PPARGC1B: variants seen among roughly 807,000 people sequenced by gnomAD.
PPARGC1B encodes peroxisome proliferator-activated receptor gamma coactivator 1-beta.
PPARGC1B carries 34 observed loss-of-function variants against 101.6 expected under a neutral mutation model. The ratio of observed to expected loss-of-function variants is 0.33; its 90% CI spans 0.25 to 0.45. The LOEUF is 0.45. PPARGC1B is among the 20% of genes least tolerant of loss of function. PPARGC1B has a pLI of 1.00. For synonymous variants in PPARGC1B, 548 were observed against 539.3 expected (o/e 1.02, Z -0.22); for missense variants, 1,234 against 1,317.6 (o/e 0.94, Z 0.98).
At position 149,853,476 on chromosome 5, in the gene PPARGC1B, T is replaced by C. The variant is rs1483888861; in HGVS notation, c.*5918T>C. 5.3e-5 allele frequency: 8 copies of C among 152,224 alleles called. No individual in the cohort carries two copies. The highest frequency in any genetic ancestry group is 2.1e-4 in the South Asian group (1 of 4,828). The allele number at this position is 152,224 out of a possible 1,614,324, so 9.4% of individuals were successfully genotyped here. The stretch of plus-strand genomic sequence containing the variant: ...GAGGTCCAGGTGCCCGGGAAGGGTT[T>C]ACTGTAACTGCAATACTGGCAGCCC... On this transcript the variant is annotated 3_prime_UTR_variant, in exon 12 of 12. Coordinates refer to ENST00000309241, the MANE Select transcript of PPARGC1B (RefSeq NM_133263.4). The surrounding 1 kb of genome is among the most constrained non-coding windows in gnomAD (Gnocchi z 4.2).
intron 1 of PPARGC1B, among the ~76,000 whole-genome samples, chr5:149,745,930 A>G (rs190458289): frequency 6.6e-6 from 1 of 152,282 alleles, no homozygotes; most frequent in East Asian, 1.9e-4. Context: ...AGGCAGCCTG[A>G]GAGAACACAA....
At chr5:149,807,526 G>T (rs1757645981) in intron 1 of PPARGC1B, among the ~76,000 whole-genome samples, 1 of 152,154 alleles carries the variant, frequency 6.6e-6, no homozygotes, top group African/African-American at 2.4e-5. Flanking sequence ...ATTGCAGGAA[G>T]AACCAGGAAT....
intron 8 of PPARGC1B, among the ~76,000 whole-genome samples, 158 bp from the exon 9 acceptor site, chr5:149,839,883 C>A (rs532211184): frequency 2.2e-4 from 34 of 152,154 alleles, no homozygotes; most frequent in Non-Finnish European, 4.4e-4. Flanking sequence ...GCCGTCGTTG[C>A]AGAAGGGGAA....
In PPARGC1B at chr5:149,837,937, A is replaced by C. The variant is rs554123862; in HGVS notation, c.2618+864A>C. On this transcript the variant is annotated intron_variant, in intron 8 of 11. Coordinates refer to ENST00000309241, the MANE Select transcript of PPARGC1B (RefSeq NM_133263.4). This position sits in a 1 kb window ranked among gnomAD's most constrained non-coding sequence, Gnocchi z 4.2. The stretch of plus-strand genomic sequence containing the variant: ...TTGTTGCGCCTCCACTGGCCGGCCC[A>C]CACCCGGGTGTCTGATCTGTAGGTC... 6.6e-6 allele frequency among the ~76,000 whole-genome samples: 1 copy of C among 151,856 alleles called. No individual in the cohort carries two copies. The highest frequency in any genetic ancestry group is 2.4e-5 in the African/African-American group (1 of 41,314).
Position 149,730,418 on chromosome 5 carries a change from C to T in PPARGC1B, c.76C>T (p.Gln26Ter), listed in dbSNP as rs1416197556. ...CTTCCTCAACTATCTCGCTGACACG[C>T]AGGTACGGCCGGCTGGGGCTGCGGG... The part of the protein sequence containing the change: ...SFFLNYLADT[Q>*]GGGSGEEQLY... The change falls in exon 1 of 12, where the codon CAG becomes TAG. Residue 26 changes from glutamine to a stop codon, truncating the protein, a stop_gained and splice_region_variant. Coordinates refer to ENST00000309241, the MANE Select transcript of PPARGC1B (RefSeq NM_133263.4). LOFTEE classifies it high-confidence loss of function. The surrounding 1 kb of genome is among the most constrained non-coding windows in gnomAD (Gnocchi z 4.0). 1.3e-6 allele frequency: 2 copies of T among 1,554,228 alleles called. No individual in the cohort carries two copies. The highest frequency in any genetic ancestry group is 1.7e-6 in the Non-Finnish European group (2 of 1,152,442).
chr5:149,854,690 G>A lies in PPARGC1B; in HGVS notation c.*7132G>A, dbSNP rs775422425. On this transcript the variant is annotated 3_prime_UTR_variant, in exon 12 of 12. Coordinates refer to ENST00000309241, the MANE Select transcript of PPARGC1B (RefSeq NM_133263.4). Reference sequence around the variant, plus strand: ...GCTTTTACATATTGTGGTTGTCATCGTCCCTATTTTATTTCTGGTGTGATT... The same window carrying A: ...GCTTTTACATATTGTGGTTGTCATCATCCCTATTTTATTTCTGGTGTGATT... The A allele has an allele frequency of 2.9e-4, 44 of 152,060 alleles. No homozygotes were observed. The highest frequency in any genetic ancestry group is 1.6e-3 in the Admixed American group (24 of 15,258). 9.4% of individuals were successfully genotyped at this position (152,060 alleles called of 1,614,324 possible).
chr5:149,736,058 C>T (rs1754695812), intron 1 of PPARGC1B, among the ~76,000 whole-genome samples: 2 of 152,168 alleles, frequency 1.3e-5, no homozygotes, highest in South Asian at 4.1e-4. Flanking sequence ...CGGAGAATTG[C>T]TTGAACCCAG....
rs761308897 is a variant in PPARGC1B at position 149,845,764 on chromosome 5, G to A, written c.2821G>A (p.Glu941Lys). Residue 941 changes from glutamate (E) to lysine (K), a missense_variant, in exon 11 of 12, where the codon GAG (glutamate) becomes AAG (lysine). Coordinates refer to ENST00000309241, the MANE Select transcript of PPARGC1B (RefSeq NM_133263.4). ...CEVLTRNRRG[E>K]KYGFITYRCS... is the part of the protein sequence containing the mutation. Reference sequence around the variant, plus strand: ...CTCCTTGCTCCCTCCCCGCAGAGGCGAGAAGTACGGCTTCATCACCTACCG... The same window carrying A: ...CTCCTTGCTCCCTCCCCGCAGAGGCAAGAAGTACGGCTTCATCACCTACCG... 39 of 1,608,416 alleles carry A rather than the reference G, an allele frequency of 2.4e-5. No homozygotes were observed. In the Admixed American group the frequency reaches 4.4e-4, roughly 18 times the overall value.
chr5:149,817,531 T>A (rs1193008696), intron 1 of PPARGC1B: 2 of 344,012 alleles, frequency 5.8e-6, no homozygotes, highest in Admixed American at 7.9e-5. Flanking sequence ...TTATCTTCCA[T>A]CAGTGCACCT....
chr5:149,796,649 A>AATACAATC (rs1757226826), intron 1 of PPARGC1B, among the ~76,000 whole-genome samples: 1 of 151,770 alleles, frequency 6.6e-6, no homozygotes, highest in South Asian at 2.1e-4. Context: ...TGGTGGCAGC[A>AATACAATC]GAGAGAGAGA....
chr5:149,750,530 C>A (rs1175006810), intron 1 of PPARGC1B, among the ~76,000 whole-genome samples: 2 of 144,684 alleles, frequency 1.4e-5, no homozygotes, highest in Non-Finnish European at 3.0e-5. Context: ...ACTCAGATAC[C>A]CCAGGGGTCT....
chr5:149,761,600 T>A (rs1400661016), intron 1 of PPARGC1B: 1 of 152,078 alleles, frequency 6.6e-6, no homozygotes, highest in African/African-American at 2.4e-5. Context: ...GATGAATGGA[T>A]AAAGAAAATG....
chr5:149,746,728 G>T (rs777798751), intron 1 of PPARGC1B, among the ~76,000 whole-genome samples: 3 of 152,110 alleles, frequency 2.0e-5, no homozygotes, highest in Non-Finnish European at 4.4e-5. Flanking sequence ...CAGTGCACAA[G>T]GGTCCCAATT....
Position 149,832,642 on chromosome 5 carries a change from C to G in PPARGC1B, c.583-14C>G, listed in dbSNP as rs1190005097. On this transcript the variant is annotated splice_polypyrimidine_tract_variant and intron_variant, in intron 4 of 11. Transcript: ENST00000309241. This position sits in a 1 kb window ranked among gnomAD's most constrained non-coding sequence, Gnocchi z 4.9. ...TGGGCCTCCTTCCTCACTCTGGCCTCTCTCCCTCTCTAGGCGGACAGCACC... is the reference window on the plus strand; with the variant it reads ...TGGGCCTCCTTCCTCACTCTGGCCTGTCTCCCTCTCTAGGCGGACAGCACC... 2 of 1,519,520 alleles carry G rather than the reference C, an allele frequency of 1.3e-6. No homozygotes were observed. The highest frequency in any genetic ancestry group is 4.6e-5 in the East Asian group (2 of 43,814). 94.1% of individuals were successfully genotyped at this position (1,519,520 alleles called of 1,614,324 possible). A position where few individuals can be genotyped will look rare whatever the true frequency, so the allele number is the denominator to read the frequency against.
At chr5:149,784,858 C>T (rs748468531) in intron 1 of PPARGC1B, among the ~76,000 whole-genome samples, 6 of 151,998 alleles carry the variant, frequency 3.9e-5, no homozygotes, top group Non-Finnish European at 7.4e-5. Flanking sequence ...TGAGCCACCG[C>T]GCCCGGTCCA....
chr5:149,782,519 C>T (rs10476920), intron 1 of PPARGC1B, among the ~76,000 whole-genome samples: 3 of 151,982 alleles, frequency 2.0e-5, no homozygotes, highest in African/African-American at 2.4e-5. Flanking sequence ...TGGGCCTGGA[C>T]GGCTGACAGA....
chr5:149,735,661 C>A (rs530059875), intron 1 of PPARGC1B, among the ~76,000 whole-genome samples: 5 of 152,204 alleles, frequency 3.3e-5, no homozygotes, highest in Non-Finnish European at 4.4e-5. Context: ...AGAGAACTCA[C>A]TGACTTGTGG....
chr5:149,819,574 C>T (rs373904953), intron 1 of PPARGC1B, among the ~76,000 whole-genome samples: 2 of 152,158 alleles, frequency 1.3e-5, no homozygotes, highest in South Asian at 4.1e-4. Context: ...TCGATCTCAG[C>T]TCACTGCAAC....
intron 1 of PPARGC1B, among the ~76,000 whole-genome samples, chr5:149,783,348 T>C (rs1013807847): frequency 2.6e-5 from 4 of 152,212 alleles, no homozygotes; most frequent in African/African-American, 2.4e-5. Context: ...GATGACTACA[T>C]AGGACCTGAG....
Sources: gnomAD v4.1 joint callset for allele counts (sites outside exome capture counted in the v4.1 genomes callset) on GRCh38, gnomAD v4.1.1 for gene constraint, Gnocchi (gnomAD v3.1) non-coding constraint, MANE v1.5 for transcripts, NCBI Gene and HGNC (gene_info 2026-07-23, HGNC 2026-07-21) for gene names.